The following CILP variants were observed in gnomAD, a reference collection of about 807,000 sequenced individuals.
CILP encodes the protein cartilage intermediate layer protein, also known as cartilage intermediate layer protein 1.
A neutral mutation model predicts 82.5 loss-of-function variants in CILP; 75 were observed. The ratio of observed to expected loss-of-function variants is 0.91; its 90% confidence interval spans 0.75 to 1.10. CILP has a LOEUF of 1.10. CILP is among the 50% of genes least tolerant of loss of function. The pLI is 0.00. For synonymous variants in CILP, 530 were observed against 580.3 expected, an observed-to-expected ratio of 0.91 and a Z score of 1.25; for missense variants, 1,479 against 1,530.8, an observed-to-expected ratio of 0.97 and a Z score of 0.56.
chr15:65,207,734 C>T lies in CILP; in HGVS notation c.92G>A (p.Arg31Lys), dbSNP rs1363360795. 4.3e-6 allele frequency: 7 copies of T among 1,614,076 alleles called. No homozygotes were observed. The highest frequency in any genetic ancestry group is 1.3e-5 in the African/African-American group (1 of 74,922). The change falls in exon 3 of 9, where the codon AGA becomes AAA. Residue 31 changes from arginine to lysine, a missense_variant. Coordinates refer to ENST00000261883, the MANE Select transcript of CILP (RefSeq NM_003613.4). ...GTTCTTCTTCCCAGGCTGGACTCTT[C>T]TTACTGACTGGGTGAGCATCGTCTG... ...GRQTMLTQSVRRVQPGKKNPS... is the reference protein window; with the variant it reads ...GRQTMLTQSVKRVQPGKKNPS...
chr15:65,200,952 T>C (rs2088443161), intron 8 of CILP, among the ~76,000 whole-genome samples: 1 of 152,216 alleles, frequency 6.6e-6, no homozygotes, highest in South Asian at 2.1e-4. Context: ...CTACCATCTA[T>C]TAGAGTCCAC....
At chr15:65,199,268 AT>A (rs1177193111) in intron 8 of CILP, among the ~76,000 whole-genome samples, 169 bp from the exon 9 acceptor site, 1 of 152,192 alleles carries the variant, frequency 6.6e-6, no homozygotes, top group African/African-American at 2.4e-5. Context: ...TACTGATCCC[AT>A]TTTATATACC....
At chr15:65,200,805 A>G (rs922220151) in intron 8 of CILP, among the ~76,000 whole-genome samples, 2 of 152,142 alleles carry the variant, frequency 1.3e-5, no homozygotes, top group Non-Finnish European at 2.9e-5. Flanking sequence ...TGGAGGTAAG[A>G]CTGAGGCATC....
At chr15:65,201,728 C>CAAA (rs59737757) in intron 8 of CILP, 144 bp downstream of exon 8, 21 of 270,228 alleles carry the variant, frequency 7.8e-5, no homozygotes, top group African/African-American at 1.8e-4. Flanking sequence ...GACTCCATCT[C>CAAA]AAAAAAAAAA....
rs963227746 is a variant in CILP at position 65,201,908 on chromosome 15, C to T, written c.1150G>A (p.Ala384Thr). 2.5e-6 allele frequency: 4 copies of T among 1,593,504 alleles called. No homozygotes were observed. The change falls in exon 8 of 9, where the codon GCT (alanine) becomes ACT (threonine). Residue 384 changes from alanine to threonine, a missense_variant. By Grantham distance (58) the Ala-to-Thr change is moderately conservative. Transcript: ENST00000261883. The stretch of plus-strand genomic sequence containing the variant: ...AGCTGGGCAACCTTGGACTTCACAG[C>T]CCCAGCATCACTCTGGGCCTTGCAA... ...YFCKAQSDAG[A>T]VKSKVAQLIV...
Position 65,198,563 on chromosome 15 carries a change from T to C in CILP, c.1723A>G (p.Lys575Glu), listed in dbSNP as rs2679118. Residue 575 changes from lysine (K) to glutamate (E), a missense_variant, in exon 9 of 9, where the codon AAG becomes GAG. Coordinates refer to ENST00000261883, the MANE Select transcript of CILP (RefSeq NM_003613.4). ...FHEIKMLRRK[K>E]PITLEAMETN... ...TCCATGGCTTCCAAAGTGATGGGCT[T>C]TTTCCGACGAAGCATCTTGATTTCA... The C allele has an allele frequency of 1, 1,611,039 of 1,614,270 alleles. 803,962 individuals are homozygous for C. Among genetic ancestry groups the C allele is most frequent in the East Asian group, 1 (44,886 of 44,886 alleles).
chr15:65,206,750 T>C, intron 4 of CILP, 32 bp downstream of exon 4: 1 of 1,558,760 alleles, frequency 6.4e-7, no homozygotes, highest in Non-Finnish European at 8.7e-7. Context: ...CAGTGGGAAG[T>C]AGCGGGTGGG....
Position 65,196,813 on chromosome 15 carries a change from G to T in CILP, c.3473C>A (p.Ala1158Glu), listed in dbSNP as rs151140297. The T allele has an allele frequency of 6.2e-7, 1 of 1,608,950 alleles. No homozygotes were observed. Among genetic ancestry groups the T allele is most frequent in the Non-Finnish European group, 8.5e-7 (1 of 1,176,678 alleles). The change falls in exon 9 of 9, where the codon GCG (alanine) becomes GAG (glutamate). Residue 1158 changes from alanine (A) to glutamate (E), a missense_variant. Coordinates refer to ENST00000261883, the MANE Select transcript of CILP (RefSeq NM_003613.4). ...GRVPSRRQQR[A>E]SRGGQRQGGV... Reference sequence around the variant, plus strand: ...ACCCTGGCGCTGGCCACCCCTGCTCGCTCGCTGCTGCCTCCTCGAGGGCAC... The same window carrying T: ...ACCCTGGCGCTGGCCACCCCTGCTCTCTCGCTGCTGCCTCCTCGAGGGCAC...
At chr15:65,205,176 T>C (rs1443095988) in intron 5 of CILP, 111 bp downstream of exon 5, 2 of 1,011,216 alleles carry the variant, frequency 2.0e-6, no homozygotes, top group Non-Finnish European at 3.0e-6. Flanking sequence ...TAATACGTGG[T>C]GAGTAAGTAA....
At chr15:65,210,339 C>T (rs1002671157) in intron 1 of CILP, among the ~76,000 whole-genome samples, 1 of 152,190 alleles carries the variant, frequency 6.6e-6, no homozygotes, top group African/African-American at 2.4e-5. Context: ...GCAGATGCCT[C>T]GGACATACCA....
rs2088533940 is a variant in CILP, at chr15:65,207,730, T to C, written c.96A>G (p.Arg32=). ...TGGGGTTCTTCTTCCCAGGCTGGAC[T>C]CTTCTTACTGACTGGGTGAGCATCG... The part of the protein sequence containing the change: ...RQTMLTQSVR[R]VQPGKKNPSI... The change falls in exon 3 of 9, where the codon AGA becomes AGG. Residue 32 remains arginine, a synonymous_variant. Coordinates refer to ENST00000261883, the MANE Select transcript of CILP (RefSeq NM_003613.4). 1 of 1,614,160 alleles carries C rather than the reference T, an allele frequency of 6.2e-7. No homozygotes were observed. Among genetic ancestry groups the C allele is most frequent in the Non-Finnish European group, 8.5e-7 (1 of 1,180,034 alleles).
Position 65,197,570 on chromosome 15 carries a change from G to C in CILP, c.2716C>G (p.Pro906Ala). The change falls in exon 9 of 9, where the codon CCA (proline) becomes GCA (alanine). Residue 906 changes from proline to alanine, a missense_variant. By Grantham distance (27) the Pro-to-Ala change is conservative. Transcript: ENST00000261883. ...FENLRACEEA[P>A]PSAAHFRFYQ... ...AACCGGAAGTGGGCTGCACTGGGTGGTGCCTCTTCACATGCCCGGAGGTTC... is the reference window on the plus strand; with the variant it reads ...AACCGGAAGTGGGCTGCACTGGGTGCTGCCTCTTCACATGCCCGGAGGTTC... The C allele has an allele frequency of 6.2e-7, 1 of 1,614,226 alleles. No individual in the cohort carries two copies. Among genetic ancestry groups the C allele is most frequent in the Non-Finnish European group, 8.5e-7 (1 of 1,180,036 alleles).
At position 65,210,782 on chromosome 15, in the gene CILP, A is replaced by C. The variant is rs140767227; in HGVS notation, c.-107+646T>G. On this transcript the variant is annotated intron_variant, in intron 1 of 8. Transcript: ENST00000261883. ...ACTGGGATATTCCAGGGGAAGAAAAAACCAGTCCCATGCTGCAGACCTTCT... is the reference window on the plus strand; with the variant it reads ...ACTGGGATATTCCAGGGGAAGAAAACACCAGTCCCATGCTGCAGACCTTCT... Among the ~76,000 whole-genome samples the C allele has an allele frequency of 3.8e-3, 580 of 152,236 alleles. 4 individuals are homozygous for C. Among genetic ancestry groups the C allele is most frequent in the Admixed American group, 9.2e-3 (141 of 15,286 alleles).
At chr15:65,203,531 C>G (rs1303205778) in intron 6 of CILP, 61 bp from the exon 7 acceptor site, 1 of 1,185,994 alleles carries the variant, frequency 8.4e-7, no homozygotes, top group African/African-American at 1.5e-5. Context: ...ACAGGTTCTA[C>G]AGAGCCTAGC....
rs559784739 is a variant in CILP, at chr15:65,203,264, T to G, written c.1028+98A>C. 4 of 799,974 alleles carry G rather than the reference T, an allele frequency of 5.0e-6. No homozygotes were observed. The African/African-American group carries it at 6.9e-5, about 14-fold the overall frequency. 49.6% of individuals were successfully genotyped at this position (799,974 alleles called of 1,614,324 possible). On this transcript the variant is annotated intron_variant, in intron 7 of 8. Transcript: ENST00000261883. Reference sequence around the variant, plus strand: ...ACCACTGTCTTACTTGTAACTTTATTCTGTTGGTTATTGTTCTTATTAATA... The same window carrying G: ...ACCACTGTCTTACTTGTAACTTTATGCTGTTGGTTATTGTTCTTATTAATA...
At position 65,206,994 on chromosome 15, in the gene CILP, T is replaced by C; in HGVS notation, c.212A>G (p.Tyr71Cys). The change falls in exon 4 of 9, where the codon TAT becomes TGT. Residue 71 changes from tyrosine to cysteine, a missense_variant. Tyr to Cys is a radical substitution (Grantham distance 194, BLOSUM62 -2). Coordinates refer to ENST00000261883, the MANE Select transcript of CILP (RefSeq NM_003613.4). The part of the protein sequence containing the change: ...NIDYPGGKGD[Y>C]ERLDAIRFYY... ...GAAGCGAATGGCGTCCAGCCGCTCA[T>C]AGTCGCCCTTCCCGCCTGGGTAGTC... The C allele has an allele frequency of 2.5e-6, 4 of 1,614,024 alleles. No homozygotes were observed. The highest frequency in any genetic ancestry group is 3.4e-6 in the Non-Finnish European group (4 of 1,180,016).
Position 65,198,010 on chromosome 15 carries a change from T to C in CILP, c.2276A>G (p.Tyr759Cys), listed in dbSNP as rs2140671308. ...ACTAGGCAAGAACCTCTCACTCCGGTAGGCCCTCACCTTAACAAAGCACCG... is the reference window on the plus strand; with the variant it reads ...ACTAGGCAAGAACCTCTCACTCCGGCAGGCCCTCACCTTAACAAAGCACCG... ...SRRCFVKVRA[Y>C]RSERFLPSEQ... The change falls in exon 9 of 9, where the codon TAC becomes TGC. Residue 759 changes from tyrosine to cysteine, a missense_variant. Tyr to Cys is a radical substitution (Grantham distance 194). Coordinates refer to ENST00000261883, the MANE Select transcript of CILP (RefSeq NM_003613.4). 1.2e-6 allele frequency: 2 copies of C among 1,614,238 alleles called. No homozygotes were observed. Among genetic ancestry groups the C allele is most frequent in the African/African-American group, 1.3e-5 (1 of 75,066 alleles).
At position 65,198,361 on chromosome 15, in the gene CILP, A is replaced by G; in HGVS notation, c.1925T>C (p.Leu642Pro). ...ISTATAAQTD[L>P]NFINDEGDTF... ...GTCTCCTTCGTCATTGATGAAGTTC[A>G]GGTCAGTCTGGGCAGCTGTGGCTGT... is the stretch of plus-strand genomic sequence containing the variant. Residue 642 changes from leucine to proline, a missense_variant, in exon 9 of 9, where the codon CTG becomes CCG. By Grantham distance (98) the Leu-to-Pro change is moderately conservative. Transcript: ENST00000261883. The G allele has an allele frequency of 6.2e-7, 1 of 1,614,236 alleles. No individual in the cohort carries two copies. The highest frequency in any genetic ancestry group is 8.5e-7 in the Non-Finnish European group (1 of 1,180,048).
chr15:65,201,872 C>G lies in CILP; in HGVS notation c.1186G>C (p.Ala396Pro). Residue 396 changes from alanine (A) to proline (P), a missense_variant and splice_region_variant, in exon 8 of 9, where the codon GCA becomes CCA. By Grantham distance (27) the Ala-to-Pro change is conservative (BLOSUM62 -1). Transcript: ENST00000261883. ...GCCCCAGGGACCCAGACAGGCTTAC[C>G]TATGACAATCAGCTGGGCAACCTTG... is the stretch of plus-strand genomic sequence containing the variant. ...KSKVAQLIVIASDETPCNPVP... is the reference protein window; with the variant it reads ...KSKVAQLIVIPSDETPCNPVP... The G allele has an allele frequency of 6.5e-7, 1 of 1,536,318 alleles. No individual in the cohort carries two copies. Among genetic ancestry groups the G allele is most frequent in the South Asian group, 1.3e-5 (1 of 78,720 alleles).
Sources: allele counts gnomAD v4.1 joint callset (sites outside exome capture counted in the v4.1 genomes callset), GRCh38; gene constraint gnomAD v4.1.1; transcripts MANE v1.5; gene names NCBI Gene and HGNC (gene_info 2026-07-23, HGNC 2026-07-21).